Variants in ZNF423 observed in about 807,000 individuals in gnomAD.
The protein encoded by ZNF423 is zinc finger protein 423.
A neutral mutation model predicts 95.8 loss-of-function variants in ZNF423; 12 were observed. That is an observed-to-expected ratio of 0.13 (90% confidence interval 0.08 to 0.20). The LOEUF (loss-of-function observed/expected upper bound fraction) is 0.20, where lower values mean the gene tolerates loss of function less well. ZNF423 is among the 10% of genes least tolerant of loss of function. The pLI is 1.00. For synonymous variants in ZNF423, 749 were observed against 711.9 expected (o/e 1.05, Z -0.83); for missense variants, 1,316 against 1,737.1 (o/e 0.76, Z 4.31).
chr16:49,698,656 C>G (rs866298227), intron 3 of ZNF423, among the ~76,000 whole-genome samples: 3 of 152,260 alleles, frequency 2.0e-5, no homozygotes, highest in African/African-American at 7.2e-5. Flanking sequence ...GCGGTGGGCC[C>G]GGCGCCTGCT....
intron 7 of ZNF423, among the ~76,000 whole-genome samples, chr16:49,494,757 A>G (rs1967093218): frequency 6.6e-6 from 1 of 152,244 alleles, no homozygotes; most frequent in Non-Finnish European, 1.5e-5. Context: ...ACCAGGACAC[A>G]GAGCAGCTCT....
intron 5 of ZNF423, among the ~76,000 whole-genome samples, chr16:49,558,485 T>C (rs1969911323): frequency 6.6e-6 from 1 of 151,826 alleles, no homozygotes; most frequent in Non-Finnish European, 1.5e-5. Flanking sequence ...ATAAGAGGAG[T>C]AGGCCCAGAA....
Position 49,623,125 on chromosome 16 carries a change from C to T in ZNF423, c.3601+3045G>A, listed in dbSNP as rs144973902. 4.3e-3 allele frequency among the ~76,000 whole-genome samples: 657 copies of T among 152,250 alleles called. 5 individuals carry two copies. The highest frequency in any genetic ancestry group is 0.014 in the African/African-American group (601 of 41,544). ...GTCTGGCTCACCCGGGGTTCCATGCCGCAGTGAACTGGAATCTGCACTCGG... is the reference window on the plus strand; with the variant it reads ...GTCTGGCTCACCCGGGGTTCCATGCTGCAGTGAACTGGAATCTGCACTCGG... On this transcript the variant is annotated intron_variant, in intron 5 of 7. Coordinates refer to ENST00000563137, the MANE Select transcript of ZNF423 (RefSeq NM_001379286.1).
At position 49,491,201 on chromosome 16, in the gene ZNF423, G is replaced by T; in HGVS notation, c.*74C>A. The T allele has an allele frequency of 6.3e-7, 1 of 1,580,196 alleles. No individual in the cohort carries two copies. The highest frequency in any genetic ancestry group is 8.7e-7 in the Non-Finnish European group (1 of 1,149,662). On this transcript the variant is annotated 3_prime_UTR_variant, in exon 8 of 8. Transcript: ENST00000563137. Reference sequence around the variant, plus strand: ...GTTGCAAATGACACTTTGATTGGATGTAATGTTCAAATGGCCCTCCCCACG... The same window carrying T: ...GTTGCAAATGACACTTTGATTGGATTTAATGTTCAAATGGCCCTCCCCACG...
chr16:49,633,779 C>A lies in ZNF423; in HGVS notation c.3516+1881G>T, dbSNP rs143779731. ...GCCCTGTTTAGAACCCTGGCTCAGA[C>A]AAAGGGTCCTGAGAGGGTGGGGTAC... On this transcript the variant is annotated intron_variant, in intron 4 of 7. Transcript: ENST00000563137. Among the ~76,000 whole-genome samples the A allele has an allele frequency of 1.2e-3, 185 of 152,318 alleles. 4 individuals carry two copies. The East Asian group carries it at 0.03, about 25-fold the overall frequency.
intron 5 of ZNF423, among the ~76,000 whole-genome samples, chr16:49,566,371 C>T (rs1970190438): frequency 6.6e-6 from 1 of 152,218 alleles, no homozygotes; most frequent in Non-Finnish European, 1.5e-5. Context: ...TGGGGCAGGA[C>T]TCACACCCTG....
At chr16:49,499,933 G>A (rs1311872041) in intron 7 of ZNF423, among the ~76,000 whole-genome samples, 1 of 152,146 alleles carries the variant, frequency 6.6e-6, no homozygotes, top group East Asian at 1.9e-4. Flanking sequence ...AAAACAAGGG[G>A]ACTAATAATA....
At chr16:49,853,590 C>A in intron 1 of ZNF423, 1 of 973,216 alleles carries the variant, frequency 1.0e-6, no homozygotes, top group Non-Finnish European at 1.2e-6. Context: ...CCACTGGTCT[C>A]CTGTTCACCT....
At chr16:49,611,607 T>C (rs1224840551) in intron 5 of ZNF423, among the ~76,000 whole-genome samples, 3 of 151,672 alleles carry the variant, frequency 2.0e-5, no homozygotes, top group Admixed American at 6.6e-5. Context: ...AAGATAAACA[T>C]AGAACAAGCA....
intron 1 of ZNF423, among the ~76,000 whole-genome samples, chr16:49,822,234 C>T (rs1346143693): frequency 1.3e-5 from 2 of 150,222 alleles, no homozygotes; most frequent in Non-Finnish European, 3.0e-5. Context: ...AGTGCAGTGG[C>T]GTGATTTCAG....
At chr16:49,662,867 C>T (rs1309263412) in intron 3 of ZNF423, among the ~76,000 whole-genome samples, 2 of 152,196 alleles carry the variant, frequency 1.3e-5, no homozygotes, top group Admixed American at 6.5e-5. Context: ...CTGAGATGCC[C>T]ACGTGGGGCT....
At chr16:49,594,944 G>A (rs1170447544) in intron 5 of ZNF423, among the ~76,000 whole-genome samples, 1 of 152,214 alleles carries the variant, frequency 6.6e-6, no homozygotes, top group Non-Finnish European at 1.5e-5. Flanking sequence ...CTGGACCTTG[G>A]TCAGTTGCTC....
At chr16:49,825,802 C>G (rs1308638453) in intron 1 of ZNF423, among the ~76,000 whole-genome samples, 1 of 152,126 alleles carries the variant, frequency 6.6e-6, no homozygotes. Context: ...CAGAAACAGA[C>G]CATAACATCC....
chr16:49,563,326 C>T (rs2050409599), intron 5 of ZNF423, among the ~76,000 whole-genome samples: 1 of 152,150 alleles, frequency 6.6e-6, no homozygotes, highest in Admixed American at 6.5e-5. Flanking sequence ...ATGACCTCTG[C>T]ACATGCTAGC....
intron 3 of ZNF423, among the ~76,000 whole-genome samples, chr16:49,675,834 C>T: frequency 6.6e-6 from 1 of 152,074 alleles, no homozygotes; most frequent in East Asian, 1.9e-4. Flanking sequence ...ATGTGTGCAC[C>T]TACACACGAG....
At chr16:49,525,553 C>G (rs1042660720) in intron 5 of ZNF423, 59 bp from the exon 6 acceptor site, 1 of 1,604,690 alleles carries the variant, frequency 6.2e-7, no homozygotes, top group African/African-American at 1.3e-5. Context: ...CAGACAGGTG[C>G]TCACAAGGCC....
chr16:49,517,481 G>A (rs897325806), intron 7 of ZNF423, among the ~76,000 whole-genome samples: 1 of 152,160 alleles, frequency 6.6e-6, no homozygotes, highest in South Asian at 2.1e-4. Flanking sequence ...GAAGCACCTC[G>A]AGGTCAGACT....
At chr16:49,856,753 C>G (rs1229441722), upstream of ZNF423, among the ~76,000 whole-genome samples, 1 of 147,758 alleles carries the variant, frequency 6.8e-6, no homozygotes, top group Non-Finnish European at 1.5e-5. Flanking sequence ...TCAGCCCGTG[C>G]GCCGGGCCGC....
chr16:49,674,282 A>G (rs920106930), intron 3 of ZNF423, among the ~76,000 whole-genome samples: 1 of 152,220 alleles, frequency 6.6e-6, no homozygotes, highest in African/African-American at 2.4e-5. Context: ...CTGATGTTCC[A>G]GTAACCTCTC....
Sources: allele counts gnomAD v4.1 joint callset (sites outside exome capture counted in the v4.1 genomes callset), GRCh38; gene constraint gnomAD v4.1.1; transcripts MANE v1.5; gene names NCBI Gene and HGNC (gene_info 2026-07-23, HGNC 2026-07-21).